The following TRMT61A variants were observed in gnomAD, a reference collection of about 807,000 sequenced individuals.
TRMT61A encodes tRNA methyltransferase 61A.
Under a neutral mutation model 21.3 loss-of-function variants are expected in TRMT61A, and 15 were observed. The observed-to-expected ratio is 0.70, with a 90% CI of 0.47 to 1.08. The LOEUF (loss-of-function observed/expected upper bound fraction) is 1.08, where lower values mean the gene tolerates loss of function less well. TRMT61A is among the 50% of genes least tolerant of loss of function. The probability of loss-of-function intolerance (pLI) is 0.00; values close to 1 mark genes in which losing one functional copy is unlikely to be tolerated. For missense variants in TRMT61A, 352 were observed against 426.7 expected, an observed-to-expected ratio of 0.83 and a Z score of 1.54; for synonymous variants, 183 against 185.5, an observed-to-expected ratio of 0.99 and a Z score of 0.11.
chr14:103,532,970 A>G lies in TRMT61A; in HGVS notation c.598+122A>G, dbSNP rs2075959960. 5.2e-6 allele frequency: 7 copies of G among 1,348,010 alleles called. No homozygotes were observed. In the South Asian group the frequency reaches 1.1e-4, roughly 20 times the overall value. The allele number at this position is 1,348,010 out of a possible 1,614,324, so 83.5% of individuals were successfully genotyped here. On this transcript the variant is annotated intron_variant, in intron 3 of 3. Transcript: ENST00000389749. ...GCCACACCATGGCAGTGGCCAGGCCAGGGCCCCACTTTGGCCTGAGGTGAG... is the reference window on the plus strand; with the variant it reads ...GCCACACCATGGCAGTGGCCAGGCCGGGGCCCCACTTTGGCCTGAGGTGAG...
chr14:103,532,498 G>A, intron 2 of TRMT61A, 84 bp from the exon 3 acceptor site: 1 of 1,551,400 alleles, frequency 6.4e-7, no homozygotes, highest in Non-Finnish European at 8.9e-7. Flanking sequence ...GGTCTCCAGG[G>A]TGAGGTGGGG....
Position 103,535,352 on chromosome 14 carries a change from C to A in TRMT61A, c.*531C>A. The A allele has an allele frequency of 2.2e-6, 1 of 456,658 alleles. No homozygotes were observed. The highest frequency in any genetic ancestry group is 3.3e-4 in the Middle Eastern group (1 of 3,070). 28.3% of individuals were successfully genotyped at this position (456,658 alleles called of 1,614,324 possible). Reference sequence around the variant, plus strand: ...AATCCCTGCCCTGCTCTCCCCAGCGCTAGGAGACCAGGCCAGCCCAGGAAC... The same window carrying A: ...AATCCCTGCCCTGCTCTCCCCAGCGATAGGAGACCAGGCCAGCCCAGGAAC... On this transcript the variant is annotated 3_prime_UTR_variant, in exon 4 of 4. Transcript: ENST00000389749.
At chr14:103,534,448 G>A (rs1489801905) in intron 3 of TRMT61A, 102 bp from the exon 4 acceptor site, 4 of 1,399,358 alleles carry the variant, frequency 2.9e-6, no homozygotes, top group South Asian at 1.4e-5. Flanking sequence ...GGCTGTCTTA[G>A]GCTGGCCTCA....
chr14:103,530,301 G>T lies in TRMT61A; in HGVS notation c.323G>T (p.Cys108Phe), dbSNP rs374883444. 6.3e-7 allele frequency: 1 copy of T among 1,581,158 alleles called. No individual in the cohort carries two copies. The highest frequency in any genetic ancestry group is 8.7e-7 in the Non-Finnish European group (1 of 1,155,394). Residue 108 changes from cysteine (C) to phenylalanine (F), a missense_variant, in exon 2 of 4, where the codon TGT (cysteine) becomes TTT (phenylalanine). By Grantham distance (205) the Cys-to-Phe change is radical. Transcript: ENST00000389749. ...MLELRPGSVV[C>F]ESGTGSGSVS... ...GAGCTTCGGCCCGGCTCTGTGGTCT[G>T]TGAGTCTGGTGAGTTCCTCAGGCTG...
rs368483959 is a variant in TRMT61A, at chr14:103,534,608, G to A, written c.657G>A (p.Ala219=). 1.8e-4 allele frequency: 286 copies of A among 1,603,702 alleles called. 3 individuals carry two copies. In the South Asian group the frequency reaches 2.6e-3, roughly 14 times the overall value. ...CIEQVQRTCQ[A]LAARGFSELS... ...AGCAGGTGCAACGCACATGCCAGGC[G>A]CTGGCAGCGCGCGGCTTCTCAGAGC... Residue 219 remains alanine (A), a synonymous_variant, in exon 4 of 4, where the codon GCG becomes GCA. Coordinates refer to ENST00000389749, the MANE Select transcript of TRMT61A (RefSeq NM_152307.3).
chr14:103,534,903 G>A lies in TRMT61A; in HGVS notation c.*82G>A, dbSNP rs1483113773. 55 of 1,506,714 alleles carry A rather than the reference G, an allele frequency of 3.7e-5. No homozygotes were observed. In the East Asian group the frequency reaches 1.2e-3, roughly 32 times the overall value. The allele number at this position is 1,506,714 out of a possible 1,614,324, so 93.3% of individuals were successfully genotyped here. ...GCCAGAGGCACCTTATATGGTCAGC[G>A]ATGCCTGCCAGACACAGACGGTGGG... On this transcript the variant is annotated 3_prime_UTR_variant, in exon 4 of 4. Transcript: ENST00000389749.
rs559114735 is a variant in TRMT61A at position 103,534,986 on chromosome 14, A to T, written c.*165A>T. The T allele has an allele frequency of 5.8e-6, 5 of 861,844 alleles. No individual in the cohort carries two copies. Among genetic ancestry groups the T allele is most frequent in the Non-Finnish European group, 9.4e-6 (5 of 531,432 alleles). 53.4% of individuals were successfully genotyped at this position (861,844 alleles called of 1,614,324 possible). A position where few individuals can be genotyped will look rare whatever the true frequency, so the allele number is the denominator to read the frequency against. On this transcript the variant is annotated 3_prime_UTR_variant, in exon 4 of 4. Transcript: ENST00000389749. ...TGGGACAGCAGGAAGGGCGGCTGTG[A>T]TGGAGGAGCAGTGCTGGGGCTGGGC...
rs2075975967 is a variant in TRMT61A, at chr14:103,536,867, T to C, written c.*2046T>C. 1 of 152,108 alleles carries C rather than the reference T, an allele frequency of 6.6e-6. No homozygotes were observed. Among genetic ancestry groups the C allele is most frequent in the Non-Finnish European group, 1.5e-5 (1 of 68,022 alleles). 9.4% of individuals were successfully genotyped at this position (152,108 alleles called of 1,614,324 possible). On this transcript the variant is annotated 3_prime_UTR_variant, in exon 4 of 4. Transcript: ENST00000389749. Reference sequence around the variant, plus strand: ...GAGAGCGGGAGGTCCCAGCCCACCCTTAGTTGTCACATGGGACAGAGTTGC... The same window carrying C: ...GAGAGCGGGAGGTCCCAGCCCACCCCTAGTTGTCACATGGGACAGAGTTGC...
In TRMT61A at chr14:103,535,626, T is replaced by C. The variant is rs888260695; in HGVS notation, c.*805T>C. 17 of 329,964 alleles carry C rather than the reference T, an allele frequency of 5.2e-5. No individual in the cohort carries two copies. Among genetic ancestry groups the C allele is most frequent in the African/African-American group, 3.5e-4 (16 of 46,042 alleles). The allele number at this position is 329,964 out of a possible 1,614,324, so 20.4% of individuals were successfully genotyped here. Reference sequence around the variant, plus strand: ...TGCCAGCCTGTGAGTCCCGGAACTATGTGGGTACCCCTACCCCTCACAGAA... The same window carrying C: ...TGCCAGCCTGTGAGTCCCGGAACTACGTGGGTACCCCTACCCCTCACAGAA... On this transcript the variant is annotated 3_prime_UTR_variant, in exon 4 of 4. Coordinates refer to ENST00000389749, the MANE Select transcript of TRMT61A (RefSeq NM_152307.3).
chr14:103,535,142 C>T lies in TRMT61A; in HGVS notation c.*321C>T. Reference sequence around the variant, plus strand: ...CAGGTGGGGGAGTCTGACCCCCTCCCAGGTGGGCCTAAGCAGGAAGGGGGT... The same window carrying T: ...CAGGTGGGGGAGTCTGACCCCCTCCTAGGTGGGCCTAAGCAGGAAGGGGGT... On this transcript the variant is annotated 3_prime_UTR_variant, in exon 4 of 4. Coordinates refer to ENST00000389749, the MANE Select transcript of TRMT61A (RefSeq NM_152307.3). The T allele has an allele frequency of 1.7e-6, 1 of 602,244 alleles. No individual in the cohort carries two copies. The highest frequency in any genetic ancestry group is 1.5e-5 in the South Asian group (1 of 65,872). 37.3% of individuals were successfully genotyped at this position (602,244 alleles called of 1,614,324 possible).
rs1180053445 is a variant in TRMT61A at position 103,532,885 on chromosome 14, G to C, written c.598+37G>C. The C allele has an allele frequency of 4.6e-6, 7 of 1,512,898 alleles. No individual in the cohort carries two copies. The African/African-American group carries it at 6.9e-5, about 15-fold the overall frequency. The allele number at this position is 1,512,898 out of a possible 1,614,324, so 93.7% of individuals were successfully genotyped here. ...GTTCCGGGAGAGGTACAGCCTGGGT[G>C]GGGGTGGGGCAAGGGTGCAGGACTG... On this transcript the variant is annotated intron_variant, in intron 3 of 3. Transcript: ENST00000389749.
intron 3 of TRMT61A, among the ~76,000 whole-genome samples, chr14:103,533,264 G>A: frequency 6.6e-6 from 1 of 152,228 alleles, no homozygotes; most frequent in East Asian, 1.9e-4. Context: ...GGAAGGTCGG[G>A]CCTCAAGCCA....
intron 2 of TRMT61A, among the ~76,000 whole-genome samples, chr14:103,530,650 T>C (rs1351421827): frequency 2.0e-5 from 3 of 152,150 alleles, no homozygotes; most frequent in African/African-American, 7.2e-5. Context: ...GTGCTGATGG[T>C]GAAGCAGAGA....
Position 103,532,553 on chromosome 14 carries a change from G to A in TRMT61A, c.332-29G>A, listed in dbSNP as rs753470031. On this transcript the variant is annotated intron_variant, in intron 2 of 3. Transcript: ENST00000389749. ...TGGGTCCCGAGCAGTCCCAACTGAT[G>A]CCTTGCCCATCCCTTCTTGTCCTGC... The A allele has an allele frequency of 3.1e-6, 5 of 1,612,814 alleles. No individual in the cohort carries two copies. The South Asian group carries it at 4.4e-5, about 14-fold the overall frequency.
At chr14:103,533,791 G>A (rs1292631128) in intron 3 of TRMT61A, among the ~76,000 whole-genome samples, 7 of 152,232 alleles carry the variant, frequency 4.6e-5, no homozygotes, top group South Asian at 2.1e-4. Context: ...ACGGGAGCCC[G>A]CTGGGGAGGA....
At position 103,532,825 on chromosome 14, in the gene TRMT61A, C is replaced by T; in HGVS notation, c.575C>T (p.Ala192Val). The change falls in exon 3 of 4, where the codon GCC becomes GTC. Residue 192 changes from alanine to valine, a missense_variant. Ala to Val is a moderately conservative substitution (Grantham distance 64). Transcript: ENST00000389749. ...IPSPWEAVGH[A>V]WDALKVEGGR... ...TCACCCTGGGAGGCCGTGGGCCACG[C>T]CTGGGACGCCCTCAAGGTCGAAGGT... The T allele has an allele frequency of 1.3e-6, 2 of 1,559,638 alleles. No individual in the cohort carries two copies. The highest frequency in any genetic ancestry group is 1.7e-6 in the Non-Finnish European group (2 of 1,152,048).
rs1235930525 is a variant in TRMT61A, at chr14:103,535,663, G to A, written c.*842G>A. Reference sequence around the variant, plus strand: ...TACCCCTCACAGAAGCCAAGGGCATGGAGGAGGTCCCTCCACAGTGACAAC... The same window carrying A: ...TACCCCTCACAGAAGCCAAGGGCATAGAGGAGGTCCCTCCACAGTGACAAC... On this transcript the variant is annotated 3_prime_UTR_variant, in exon 4 of 4. Coordinates refer to ENST00000389749, the MANE Select transcript of TRMT61A (RefSeq NM_152307.3). 3.3e-6 allele frequency: 1 copy of A among 303,648 alleles called. No homozygotes were observed. The highest frequency in any genetic ancestry group is 6.5e-6 in the Non-Finnish European group (1 of 152,996). 18.8% of individuals were successfully genotyped at this position (303,648 alleles called of 1,614,324 possible).
chr14:103,530,426 C>A, intron 2 of TRMT61A, 117 bp downstream of exon 2: 1 of 935,026 alleles, frequency 1.1e-6, no homozygotes, highest in Non-Finnish European at 1.6e-6. Context: ...ATTTTCACAT[C>A]TTTCCGGGAT....
In TRMT61A at chr14:103,532,832, C is replaced by T. The variant is rs370257424; in HGVS notation, c.582C>T (p.Asp194=). The T allele has an allele frequency of 1.5e-4, 231 of 1,557,706 alleles. No homozygotes were observed. The highest frequency in any genetic ancestry group is 1.1e-3 in the African/African-American group (79 of 73,480). ...SPWEAVGHAW[D]ALKVEGGRFC... ...GGGAGGCCGTGGGCCACGCCTGGGA[C>T]GCCCTCAAGGTCGAAGGTGCATCCG... The change falls in exon 3 of 4, where the codon GAC becomes GAT. Residue 194 remains aspartate (D), a synonymous_variant. Coordinates refer to ENST00000389749, the MANE Select transcript of TRMT61A (RefSeq NM_152307.3).
Sources: gnomAD v4.1 joint callset for allele counts (sites outside exome capture counted in the v4.1 genomes callset) on GRCh38, gnomAD v4.1.1 for gene constraint, MANE v1.5 for transcripts, NCBI Gene and HGNC (gene_info 2026-07-23, HGNC 2026-07-21) for gene names.